PSMA1: variants seen among roughly 807,000 people sequenced by gnomAD.
PSMA1 encodes the protein proteasome 20S subunit alpha 1, also known as proteasome subunit alpha type-1.
Under a neutral mutation model 38.4 loss-of-function variants are expected in PSMA1, and 3 were observed. The ratio of observed to expected loss-of-function variants is 0.08; its 90% confidence interval spans 0.04 to 0.20. The LOEUF (loss-of-function observed/expected upper bound fraction) is 0.20. Ranked by LOEUF, PSMA1 falls within the 10% of genes least tolerant of loss-of-function variation. PSMA1 has a pLI of 1.00. For missense variants in PSMA1, 227 were observed against 325.3 expected (o/e 0.70, Z 2.32); for synonymous variants, 101 against 107.1 (o/e 0.94, Z 0.35).
Position 14,517,898 on chromosome 11 carries a change from T to C in PSMA1, c.132A>G (p.Ala44=). Residue 44 remains alanine, a synonymous_variant, in exon 3 of 10, where the codon GCA becomes GCG. Transcript: ENST00000396394. ...ATVGLKSKTH[A]VLVALKRAQS... is the part of the protein sequence containing the mutation. ...TACTTACTTTCAATGCAACCAAAAC[T>C]GCATGAGTTTTTGATTTCAGACCAA... 1 of 1,607,104 alleles carries C rather than the reference T, an allele frequency of 6.2e-7. No individual in the cohort carries two copies. The highest frequency in any genetic ancestry group is 8.5e-7 in the Non-Finnish European group (1 of 1,177,572).
At chr11:14,514,153 C>G in intron 5 of PSMA1, 1 of 1,329,430 alleles carries the variant, frequency 7.5e-7, no homozygotes, top group Non-Finnish European at 9.6e-7. Context: ...TTTCTTGGGA[C>G]ATCTAGAACC....
At chr11:14,565,323 G>A (rs1372114410) in intron 2 of PSMA1, among the ~76,000 whole-genome samples, 3 of 151,822 alleles carry the variant, frequency 2.0e-5, no homozygotes, top group Non-Finnish European at 4.4e-5. Flanking sequence ...CAGTTTTACC[G>A]ATCTTTTCAA....
At chr11:14,565,988 T>C (rs2134175477) in intron 2 of PSMA1, among the ~76,000 whole-genome samples, 1 of 152,274 alleles carries the variant, frequency 6.6e-6, no homozygotes, top group East Asian at 1.9e-4. Context: ...AAAGAAGATT[T>C]TTTTCAGACA....
chr11:14,532,272 A>C (rs1304144972), intron 2 of PSMA1, among the ~76,000 whole-genome samples: 1 of 152,156 alleles, frequency 6.6e-6, no homozygotes, highest in East Asian at 1.9e-4. Context: ...TATAGGAAAA[A>C]CAGCTTACAG....
chr11:14,575,248 T>TA (rs1194488548), intron 2 of PSMA1, among the ~76,000 whole-genome samples: 2 of 152,114 alleles, frequency 1.3e-5, no homozygotes, highest in Non-Finnish European at 1.5e-5. Context: ...TTTTAAATTT[T>TA]AAAAAAATTT....
chr11:14,548,017 AACAC>A (rs141234079), intron 2 of PSMA1, among the ~76,000 whole-genome samples: 22 of 149,326 alleles, frequency 1.5e-4, no homozygotes, highest in African/African-American at 4.9e-4. Context: ...CACTATATAC[AACAC>A]ACACACACAC....
rs374618977 is a variant in PSMA1 at position 14,513,566 on chromosome 11, T to G, written c.544+4A>C. The G allele has an allele frequency of 1.0e-5, 15 of 1,497,440 alleles. No homozygotes were observed. In the African/African-American group the frequency reaches 1.7e-4, roughly 17 times the overall value. The allele number at this position is 1,497,440 out of a possible 1,614,324, so 92.8% of individuals were successfully genotyped here. A position where few individuals can be genotyped will look rare whatever the true frequency, so the allele number is the denominator to read the frequency against. ...AAAAAAAAAAAAGCAAGGCTGTCAC[T>G]TACACTCCATAAATTCAGACATATG... On this transcript the variant is annotated splice_donor_region_variant and intron_variant, in intron 7 of 9. Coordinates refer to ENST00000396394, the MANE Select transcript of PSMA1 (RefSeq NM_002786.4).
At position 14,537,267 on chromosome 11, in the gene PSMA1, TCCTC is replaced by T. The variant is rs1271676213; in HGVS notation, c.22-18230_22-18227del. The stretch of plus-strand genomic sequence containing the variant: ...TGCCTTATTTAGAAAAAACAATTCT[TCCTC>T]CCTGACCCCACCACCCTCGCCCAGA... On this transcript the variant is annotated intron_variant, in intron 2 of 10. Coordinates refer to the PSMA1 transcript ENST00000418988. 2.6e-5 allele frequency among the ~76,000 whole-genome samples: 4 copies of T among 152,164 alleles called. No homozygotes were observed. The East Asian group carries it at 5.8e-4, about 22-fold the overall frequency.
chr11:14,573,525 A>G (rs1405488910), intron 2 of PSMA1, among the ~76,000 whole-genome samples: 1 of 152,162 alleles, frequency 6.6e-6, no homozygotes, highest in African/African-American at 2.4e-5. Context: ...AAATAATAAG[A>G]GCTATTTATG....
chr11:14,514,599 A>G, intron 4 of PSMA1, 108 bp from the exon 5 acceptor site: 3 of 852,756 alleles, frequency 3.5e-6, no homozygotes, highest in Non-Finnish European at 5.0e-6. Flanking sequence ...CATGGATAAC[A>G]TCCATATAAG....
intron 1 of PSMA1, among the ~76,000 whole-genome samples, chr11:14,629,575 G>T (rs1852970947): frequency 6.6e-6 from 1 of 152,152 alleles, no homozygotes; most frequent in African/African-American, 2.4e-5. Context: ...GTGTAGCCTT[G>T]TAGTATAGTT....
chr11:14,600,854 G>A (rs1191412636), intron 2 of PSMA1, among the ~76,000 whole-genome samples: 1 of 152,198 alleles, frequency 6.6e-6, no homozygotes, highest in Non-Finnish European at 1.5e-5. Context: ...GACAGGAGCT[G>A]TTCCTATTTG....
intron 2 of PSMA1, among the ~76,000 whole-genome samples, chr11:14,601,559 G>A (rs1590006068): frequency 6.6e-6 from 1 of 152,114 alleles, no homozygotes; most frequent in East Asian, 1.9e-4. Flanking sequence ...GGTAACTCTG[G>A]GTGAATGGAG....
chr11:14,514,063 C>A, intron 5 of PSMA1, 176 bp from the exon 6 acceptor site: 1 of 1,326,094 alleles, frequency 7.5e-7, no homozygotes, highest in Non-Finnish European at 9.6e-7. Flanking sequence ...TGACTTTCTA[C>A]CGAACCTAAG....
intron 1 of PSMA1, among the ~76,000 whole-genome samples, chr11:14,617,473 G>A (rs904618094): frequency 1.5e-4 from 23 of 151,912 alleles, no homozygotes; most frequent in Non-Finnish European, 2.4e-4. Context: ...ACTGGCACAG[G>A]GTAAGCACTC....
At chr11:14,556,020 G>T (rs575216430) in intron 2 of PSMA1, among the ~76,000 whole-genome samples, 1 of 152,164 alleles carries the variant, frequency 6.6e-6, no homozygotes, top group Non-Finnish European at 1.5e-5. Flanking sequence ...TCCGGCTCTG[G>T]TCTGGGTTGT....
intron 2 of PSMA1, among the ~76,000 whole-genome samples, chr11:14,565,341 G>T (rs1440662670): frequency 6.6e-6 from 1 of 152,038 alleles, no homozygotes; most frequent in African/African-American, 2.4e-5. Flanking sequence ...CAAAGAACCA[G>T]CTCTTAGTTT....
intron 2 of PSMA1, among the ~76,000 whole-genome samples, chr11:14,569,337 G>C (rs1012888343): frequency 1.4e-4 from 22 of 152,138 alleles, no homozygotes; most frequent in African/African-American, 5.3e-4. Context: ...TCCAACTGAG[G>C]TACCAGGTTC....
chr11:14,547,889 A>G (rs1565042031), intron 2 of PSMA1, among the ~76,000 whole-genome samples: 1 of 152,130 alleles, frequency 6.6e-6, no homozygotes, highest in South Asian at 2.1e-4. Flanking sequence ...CTTAATCCCT[A>G]CTTGGCTAAC....
Sources: gnomAD v4.1 joint callset for allele counts (sites outside exome capture counted in the v4.1 genomes callset) on GRCh38, gnomAD v4.1.1 for gene constraint, MANE v1.5 for transcripts, NCBI Gene and HGNC (gene_info 2026-07-23, HGNC 2026-07-21) for gene names.